Variants in FHIT observed in about 807,000 individuals in gnomAD.
The protein encoded by FHIT is bis(5'-adenosyl)-triphosphatase.
In FHIT, 19 loss-of-function variants were observed where a neutral mutation model predicts 17.9. That is an observed-to-expected ratio of 1.06 (90% CI 0.74 to 1.56). The LOEUF (loss-of-function observed/expected upper bound fraction) is 1.56, where lower values mean the gene tolerates loss of function less well. Ranked by LOEUF, FHIT falls within the 40% of genes most tolerant of loss-of-function variation. The pLI is 0.00. For missense variants in FHIT, 248 were observed against 189.2 expected (o/e 1.31, Z -1.82); for synonymous variants, 81 against 69.7 (o/e 1.16, Z -0.81).
intron 5 of FHIT, among the ~76,000 whole-genome samples, chr3:60,298,908 C>T (rs780359162): frequency 9.9e-5 from 15 of 152,224 alleles, no homozygotes; most frequent in Non-Finnish European, 1.6e-4. Flanking sequence ...GAAGACCAAG[C>T]AGTGCCAGGG....
rs1424446334 is a variant in FHIT, at chr3:60,976,096, C to CTTTTTCTT, written c.-111+65950_-111+65951insAAGAAAAA. ...CTTTGTATCTTTCGTTTTTCTTTTTCTTTTTTTTTTTTTTTTTTTTTTTTT... is the reference window on the plus strand; with the variant it reads ...CTTTGTATCTTTCGTTTTTCTTTTTCTTTTTCTTTTTTTTTTTTTTTTTTTTTTTTTTT... On this transcript the variant is annotated intron_variant, in intron 3 of 9. Coordinates refer to ENST00000492590, the MANE Select transcript of FHIT (RefSeq NM_002012.4). Among the ~76,000 whole-genome samples, 21 of 66,796 alleles carry CTTTTTCTT rather than the reference C, an allele frequency of 3.1e-4. 1 individual carries two copies. Among genetic ancestry groups the CTTTTTCTT allele is most frequent in the African/African-American group, 1.3e-3 (19 of 15,110 alleles). The allele number at this position is 66,796 out of a possible 152,430, so 43.8% of individuals were successfully genotyped here.
chr3:60,307,295 C>T (rs1423414086), intron 5 of FHIT, among the ~76,000 whole-genome samples: 1 of 152,180 alleles, frequency 6.6e-6, no homozygotes, highest in Admixed American at 6.5e-5. Context: ...ACCATCTTGT[C>T]ATTTGACCTT....
intron 7 of FHIT, among the ~76,000 whole-genome samples, chr3:59,977,589 C>A (rs1708471291): frequency 6.6e-6 from 1 of 152,120 alleles, no homozygotes; most frequent in Admixed American, 6.6e-5. Context: ...GAACAAGTAA[C>A]CCTGATTTAA....
At chr3:60,857,287 A>T (rs949259270) in intron 3 of FHIT, among the ~76,000 whole-genome samples, 2 of 152,162 alleles carry the variant, frequency 1.3e-5, no homozygotes, top group African/African-American at 4.8e-5. Flanking sequence ...TATACCTTTT[A>T]CTATTTTACT....
At chr3:60,573,463 A>C (rs962834114) in intron 4 of FHIT, among the ~76,000 whole-genome samples, 2 of 152,166 alleles carry the variant, frequency 1.3e-5, no homozygotes, top group African/African-American at 4.8e-5. Flanking sequence ...GGAGAGTCTC[A>C]AGTGCTGTGA....
intron 3 of FHIT, among the ~76,000 whole-genome samples, chr3:60,826,164 A>T (rs112349584): frequency 4.4e-5 from 1 of 22,802 alleles, no homozygotes; most frequent in African/African-American, 9.9e-5. Flanking sequence ...GAAGGAAGGA[A>T]GGAAGGAAGG....
chr3:60,619,473 G>A (rs2682977), intron 4 of FHIT, among the ~76,000 whole-genome samples: 32 of 152,048 alleles, frequency 2.1e-4, no homozygotes, highest in East Asian at 1.2e-3. Flanking sequence ...TCAAGAGTTA[G>A]AACAAAGCTA....
At chr3:60,507,184 G>T (rs755725370) in intron 5 of FHIT, among the ~76,000 whole-genome samples, 1 of 152,200 alleles carries the variant, frequency 6.6e-6, no homozygotes, top group Non-Finnish European at 1.5e-5. Flanking sequence ...GAAGGGATAC[G>T]TGAGTTGGCA....
intron 5 of FHIT, among the ~76,000 whole-genome samples, chr3:60,035,791 T>TTTTTTTTTTTGAGATGGAGTCTTGCTCTG (rs1701191740): frequency 6.6e-6 from 1 of 152,212 alleles, no homozygotes; most frequent in Admixed American, 6.5e-5. Context: ...TGCTATGTAT[T>TTTTTTTTTTTGAGATGGAGTCTTGCTCTG]TCCTCATATG....
chr3:60,195,772 G>T (rs1367473237), intron 5 of FHIT, among the ~76,000 whole-genome samples: 2 of 149,798 alleles, frequency 1.3e-5, no homozygotes, highest in East Asian at 2.0e-4. Flanking sequence ...ACGTAACTCA[G>T]GAAAGAAAAA....
intron 4 of FHIT, among the ~76,000 whole-genome samples, chr3:60,613,932 A>G (rs2038862889): frequency 2.0e-5 from 3 of 152,150 alleles, no homozygotes; most frequent in Admixed American, 1.3e-4. Flanking sequence ...TGAAAAGAGT[A>G]TATCAGCTCA....
intron 5 of FHIT, among the ~76,000 whole-genome samples, chr3:60,296,168 T>A (rs1272898588): frequency 6.6e-6 from 1 of 152,042 alleles, no homozygotes; most frequent in Non-Finnish European, 1.5e-5. Context: ...AAATTACCAA[T>A]CTTCGGTATG....
chr3:60,239,504 G>T (rs2107570185), intron 5 of FHIT, among the ~76,000 whole-genome samples: 1 of 152,296 alleles, frequency 6.6e-6, no homozygotes, highest in African/African-American at 2.4e-5. Context: ...GCTCAAGGCT[G>T]CAGTGAACCA....
chr3:60,312,374 A>G (rs10428177), intron 5 of FHIT, among the ~76,000 whole-genome samples: 86,836 of 151,826 alleles, frequency 0.57, 25,777 homozygotes, highest in East Asian at 0.96. Context: ...ACTCCTGAGC[A>G]CAAGTGATCC....
chr3:60,961,808 A>G (rs1196527931), intron 3 of FHIT, among the ~76,000 whole-genome samples: 13 of 152,190 alleles, frequency 8.5e-5, no homozygotes, highest in African/African-American at 3.1e-4. Context: ...TTGTACCAGT[A>G]CCATGCTGTT....
chr3:60,425,984 C>A (rs1296572406), intron 5 of FHIT, among the ~76,000 whole-genome samples: 1 of 152,070 alleles, frequency 6.6e-6, no homozygotes, highest in Non-Finnish European at 1.5e-5. Flanking sequence ...AATTTATGTG[C>A]ACAGCAATAA....
At chr3:61,084,803 T>G (rs780063157) in intron 2 of FHIT, among the ~76,000 whole-genome samples, 1 of 152,164 alleles carries the variant, frequency 6.6e-6, no homozygotes, top group African/African-American at 2.4e-5. Flanking sequence ...AACTGTTACC[T>G]CATGCCCTTT....
chr3:59,889,725 A>C (rs917300129), intron 8 of FHIT, among the ~76,000 whole-genome samples: 2 of 152,222 alleles, frequency 1.3e-5, no homozygotes, highest in African/African-American at 4.8e-5. Flanking sequence ...AAGAATTTTT[A>C]ATAAATACAG....
intron 3 of FHIT, among the ~76,000 whole-genome samples, chr3:60,836,712 A>G (rs1702554405): frequency 6.6e-6 from 1 of 152,216 alleles, no homozygotes; most frequent in South Asian, 2.1e-4. Context: ...GTAGAAAGAA[A>G]GTCATTTTAC....
Sources: gnomAD v4.1 joint callset for allele counts (sites outside exome capture counted in the v4.1 genomes callset) on GRCh38, gnomAD v4.1.1 for gene constraint, MANE v1.5 for transcripts, NCBI Gene and HGNC (gene_info 2026-07-23, HGNC 2026-07-21) for gene names.